Variants in PCDHGA7 observed in about 807,000 individuals in gnomAD.
PCDHGA7 encodes protocadherin gamma-A7.
A neutral mutation model predicts 58.3 loss-of-function variants in PCDHGA7; 44 were observed. The ratio of observed to expected loss-of-function variants is 0.75; its 90% CI spans 0.59 to 0.97. The LOEUF (loss-of-function observed/expected upper bound fraction) is 0.97. Ranked by LOEUF, PCDHGA7 falls within the 50% of genes least tolerant of loss-of-function variation. The pLI is 0.00. For synonymous variants in PCDHGA7, 516 were observed against 504.2 expected, an observed-to-expected ratio of 1.02 and a Z score of -0.31; for missense variants, 1,266 against 1,188.7, an observed-to-expected ratio of 1.06 and a Z score of -0.96.
intron 1 of PCDHGA7, chr5:141,418,595 G>GT (rs2096273873): frequency 6.2e-7 from 1 of 1,613,928 alleles, no homozygotes; most frequent in African/African-American, 1.3e-5. Context: ...CAGCCAGGAC[G>GT]TGTACAGGGT....
intron 1 of PCDHGA7, chr5:141,393,422 G>A: frequency 6.2e-7 from 1 of 1,614,042 alleles, no homozygotes; most frequent in Non-Finnish European, 8.5e-7. Context: ...TGGACAGGGA[G>A]GAAGAGGCTG....
At chr5:141,492,256 A>G (rs1323720621) in intron 1 of PCDHGA7, among the ~76,000 whole-genome samples, 1 of 151,974 alleles carries the variant, frequency 6.6e-6, no homozygotes, top group Non-Finnish European at 1.5e-5. Context: ...CGGCCCACAC[A>G]AGTTGCACGG....
Position 141,477,934 on chromosome 5 carries a change from C to T in PCDHGA7, c.2425-16873C>T. Reference sequence around the variant, plus strand: ...CGGATGCAGGGCACAATGCCTGGCTCTCCTACAGTCTCTTGGGATCCCCTA... The same window carrying T: ...CGGATGCAGGGCACAATGCCTGGCTTTCCTACAGTCTCTTGGGATCCCCTA... On this transcript the variant is annotated intron_variant, in intron 1 of 3. Coordinates refer to ENST00000518325, the MANE Select transcript of PCDHGA7 (RefSeq NM_018920.4). This position sits in a 1 kb window ranked among gnomAD's most constrained non-coding sequence, Gnocchi z 4.9. 3.1e-6 allele frequency: 5 copies of T among 1,614,204 alleles called. No individual in the cohort carries two copies. The highest frequency in any genetic ancestry group is 4.2e-6 in the Non-Finnish European group (5 of 1,180,036).
intron 1 of PCDHGA7, chr5:141,413,167 C>G: frequency 6.3e-7 from 1 of 1,590,828 alleles, no homozygotes; most frequent in Non-Finnish European, 8.6e-7. Context: ...ATTCTGTAAC[C>G]AGACTACAAT....
At chr5:141,484,404 G>C (rs1333849091) in intron 1 of PCDHGA7, among the ~76,000 whole-genome samples, 3 of 152,174 alleles carry the variant, frequency 2.0e-5, no homozygotes, top group Non-Finnish European at 4.4e-5. Flanking sequence ...GGTTTCCGCT[G>C]TGTCTCCTGT....
At position 141,476,518 on chromosome 5, in the gene PCDHGA7, T is replaced by C; in HGVS notation, c.2425-18289T>C. 1 of 1,614,214 alleles carries C rather than the reference T, an allele frequency of 6.2e-7. No individual in the cohort carries two copies. Among genetic ancestry groups the C allele is most frequent in the Non-Finnish European group, 8.5e-7 (1 of 1,180,038 alleles). ...AGGACATCAACGACAACAATCCTGC[T>C]TTCCCTACCCAGGAAATGAAATTGG... is the stretch of plus-strand genomic sequence containing the variant. On this transcript the variant is annotated intron_variant, in intron 1 of 3. Transcript: ENST00000518325. This position sits in a 1 kb window ranked among gnomAD's most constrained non-coding sequence, Gnocchi z 7.6.
chr5:141,418,618 A>T, intron 1 of PCDHGA7: 5 of 1,614,046 alleles, frequency 3.1e-6, no homozygotes, highest in Non-Finnish European at 4.2e-6. Context: ...GCCTTCGGGA[A>T]GACGTGCCTC....
At chr5:141,478,299 G>A (rs201916687) in intron 1 of PCDHGA7, 1 of 1,614,056 alleles carries the variant, frequency 6.2e-7, no homozygotes, top group Non-Finnish European at 8.5e-7. Flanking sequence ...GACCTATACC[G>A]AGCCCCGGTG....
At position 141,476,172 on chromosome 5, in the gene PCDHGA7, T is replaced by C; in HGVS notation, c.2425-18635T>C. 6.2e-7 allele frequency: 1 copy of C among 1,612,930 alleles called. No individual in the cohort carries two copies. The highest frequency in any genetic ancestry group is 1.1e-5 in the South Asian group (1 of 91,026). On this transcript the variant is annotated intron_variant, in intron 1 of 3. Coordinates refer to ENST00000518325, the MANE Select transcript of PCDHGA7 (RefSeq NM_018920.4). This position sits in a 1 kb window ranked among gnomAD's most constrained non-coding sequence, Gnocchi z 7.6. ...GTAAGCACCGGGAGGGTAGTGGGAG[T>C]TTTGCTTCTGCTTGGTGCCTTGAAC...
intron 1 of PCDHGA7, chr5:141,409,913 G>C (rs769370742): frequency 1.9e-6 from 3 of 1,613,334 alleles, no homozygotes; most frequent in East Asian, 2.2e-5. Flanking sequence ...GGGTCCTGAC[G>C]GCTCCGCGTT....
chr5:141,408,155 C>T (rs1355335396), intron 1 of PCDHGA7: 2 of 1,511,456 alleles, frequency 1.3e-6, no homozygotes, highest in Non-Finnish European at 1.8e-6. Flanking sequence ...GTAGAGTGCA[C>T]TTTCTCCAAC....
rs781198519 is a variant in PCDHGA7 at position 141,432,162 on chromosome 5, G to A, written c.2424+46839G>A. ...TATATCCCAGAGAACAATCCCAGAG[G>A]AGTTTCCCTCGTCTCTGTGACCGCC... On this transcript the variant is annotated intron_variant, in intron 1 of 3. Coordinates refer to ENST00000518325, the MANE Select transcript of PCDHGA7 (RefSeq NM_018920.4). The surrounding 1 kb of genome is among the most constrained non-coding windows in gnomAD (Gnocchi z 6.0). 1 of 1,614,070 alleles carries A rather than the reference G, an allele frequency of 6.2e-7. No homozygotes were observed. The highest frequency in any genetic ancestry group is 8.5e-7 in the Non-Finnish European group (1 of 1,180,030).
chr5:141,393,853 T>A, intron 1 of PCDHGA7: 1 of 1,613,992 alleles, frequency 6.2e-7, no homozygotes, highest in Admixed American at 1.7e-5. Context: ...AGACCAGAAG[T>A]GATCATTACG....
chr5:141,487,380 G>A lies in PCDHGA7; in HGVS notation c.2425-7427G>A. On this transcript the variant is annotated intron_variant, in intron 1 of 3. Transcript: ENST00000518325. This position sits in a 1 kb window ranked among gnomAD's most constrained non-coding sequence, Gnocchi z 5.0. ...GCTGGCACCTGTGCCTGTCTCACCA[G>A]ATCTCGAAGGAGGGAGGGGCTTCCC... is the stretch of plus-strand genomic sequence containing the variant. The A allele has an allele frequency of 1.2e-6, 2 of 1,614,202 alleles. No individual in the cohort carries two copies. The highest frequency in any genetic ancestry group is 2.2e-5 in the South Asian group (2 of 91,078).
At position 141,405,406 on chromosome 5, in the gene PCDHGA7, T is replaced by C. The variant is rs750140674; in HGVS notation, c.2424+20083T>C. On this transcript the variant is annotated intron_variant, in intron 1 of 3. Coordinates refer to ENST00000518325, the MANE Select transcript of PCDHGA7 (RefSeq NM_018920.4). ...GTTCATTTTTTTTCTTTCTTTCTTTTCTTTTTTTGTTTTTTGTTTTGTTTT... is the reference window on the plus strand; with the variant it reads ...GTTCATTTTTTTTCTTTCTTTCTTTCCTTTTTTTGTTTTTTGTTTTGTTTT... 1.2e-5 allele frequency: 19 copies of C among 1,584,070 alleles called. No individual in the cohort carries two copies. The Admixed American group carries it at 1.2e-4, about 10-fold the overall frequency.
chr5:141,403,634 A>C, intron 1 of PCDHGA7: 1 of 1,613,920 alleles, frequency 6.2e-7, no homozygotes, highest in Non-Finnish European at 8.5e-7. Context: ...CACAGTGCGC[A>C]TCCATGTGAC....
chr5:141,394,208 C>T (rs972602841), intron 1 of PCDHGA7: 2 of 1,613,814 alleles, frequency 1.2e-6, no homozygotes, highest in African/African-American at 1.3e-5. Context: ...TAGAGAACAA[C>T]CTGAGAGGAG....
chr5:141,492,911 G>A (rs1008138353), intron 1 of PCDHGA7, among the ~76,000 whole-genome samples: 1 of 152,216 alleles, frequency 6.6e-6, no homozygotes, highest in Admixed American at 6.5e-5. Context: ...TGATCACAAT[G>A]TGCCCAGCGA....
In PCDHGA7 at chr5:141,489,353, A is replaced by G. The variant is rs1423278514; in HGVS notation, c.2425-5454A>G. 3.7e-6 allele frequency: 6 copies of G among 1,612,316 alleles called. No homozygotes were observed. In the African/African-American group the frequency reaches 6.7e-5, roughly 18 times the overall value. ...CAGCTTCGTTACTCAGTGGTGGAGG[A>G]GTCTGAGCCGGGGACGCTGGTGGGG... On this transcript the variant is annotated intron_variant, in intron 1 of 3. Transcript: ENST00000518325. This position sits in a 1 kb window ranked among gnomAD's most constrained non-coding sequence, Gnocchi z 4.5.
Sources: gnomAD v4.1 joint callset for allele counts (sites outside exome capture counted in the v4.1 genomes callset) on GRCh38, gnomAD v4.1.1 for gene constraint, Gnocchi (gnomAD v3.1) non-coding constraint, MANE v1.5 for transcripts, NCBI Gene and HGNC (gene_info 2026-07-23, HGNC 2026-07-21) for gene names.